The following UIMC1 variants were observed in gnomAD, a reference collection of about 807,000 sequenced individuals.
The protein encoded by UIMC1 is BRCA1-A complex subunit RAP80.
In UIMC1, 42 loss-of-function variants were observed where a neutral mutation model predicts 84.9. The observed-to-expected ratio is 0.49, with a 90% CI of 0.39 to 0.64. The LOEUF is 0.64. UIMC1 is among the 30% of genes least tolerant of loss of function. The pLI is 0.00. For synonymous variants in UIMC1, 281 were observed against 293.0 expected (o/e 0.96, Z 0.42); for missense variants, 825 against 847.6 (o/e 0.97, Z 0.33).
intron 1 of UIMC1, among the ~76,000 whole-genome samples, chr5:176,993,501 T>C (rs1581682497): frequency 6.6e-6 from 1 of 152,198 alleles, no homozygotes; most frequent in East Asian, 1.9e-4. Context: ...AAATATTTTC[T>C]TACCTTTTAA....
At chr5:176,952,434 AG>A (rs1050155109) in intron 8 of UIMC1, among the ~76,000 whole-genome samples, 1 of 152,190 alleles carries the variant, frequency 6.6e-6, no homozygotes, top group Non-Finnish European at 1.5e-5. Flanking sequence ...AGTCTAGTTC[AG>A]GGGCCAGAAA....
Position 176,968,786 on chromosome 5 carries a change from T to C in UIMC1, c.969A>G (p.Pro323=). ...QLLNKKGFGE[P]VLPRPPSLIQ... ...TCAGAGAAGGAGGTCTAGGTAACAC[T>C]GGTTCCCCAAAACCTTTTTTATTAA... is the stretch of plus-strand genomic sequence containing the variant. The change falls in exon 6 of 15, where the codon CCA becomes CCG. Residue 323 remains proline (P), a synonymous_variant. Transcript: ENST00000511320. The C allele has an allele frequency of 6.2e-7, 1 of 1,614,206 alleles. No individual in the cohort carries two copies. The highest frequency in any genetic ancestry group is 1.1e-5 in the South Asian group (1 of 91,088).
chr5:176,940,241 T>A (rs1764249817), intron 10 of UIMC1, among the ~76,000 whole-genome samples: 2 of 152,164 alleles, frequency 1.3e-5, no homozygotes, highest in African/African-American at 2.4e-5. Flanking sequence ...ACAGCAATTA[T>A]CTTGTAATTA....
At chr5:177,016,095 T>C (rs1775663867) in intron 1 of UIMC1, among the ~76,000 whole-genome samples, 1 of 151,314 alleles carries the variant, frequency 6.6e-6, no homozygotes, top group African/African-American at 2.4e-5. Flanking sequence ...CAGGACGCGG[T>C]GGCTCATGCC....
At chr5:176,906,209 T>C in intron 13 of UIMC1, 162 bp from the exon 14 acceptor site, 1 of 616,424 alleles carries the variant, frequency 1.6e-6, no homozygotes, top group Non-Finnish European at 2.8e-6. Context: ...TGAGCATTAG[T>C]GTCCAACAGA....
intron 3 of UIMC1, among the ~76,000 whole-genome samples, chr5:176,973,009 A>G (rs1769502625): frequency 1.3e-5 from 2 of 149,656 alleles, no homozygotes; most frequent in African/African-American, 4.9e-5. Context: ...TCTGCCTCCC[A>G]GGTTCAAGCG....
chr5:177,002,617 C>T (rs920508618), intron 1 of UIMC1, among the ~76,000 whole-genome samples: 23 of 152,026 alleles, frequency 1.5e-4, no homozygotes, highest in Non-Finnish European at 5.9e-5. Context: ...CTGGCTAACA[C>T]GGTGAAACCC....
intron 1 of UIMC1, chr5:177,001,624 A>T (rs1193856812): frequency 6.6e-6 from 1 of 152,134 alleles, no homozygotes; most frequent in Non-Finnish European, 1.5e-5. Context: ...GCCCCAGAAC[A>T]GTTTAAACAA....
At chr5:176,971,311 C>T (rs904482597) in intron 3 of UIMC1, among the ~76,000 whole-genome samples, 1 of 152,222 alleles carries the variant, frequency 6.6e-6, no homozygotes, top group African/African-American at 2.4e-5. Context: ...TAGAAAAGAA[C>T]ATCCCTAGTG....
At chr5:176,915,199 T>C (rs1394342242) in intron 10 of UIMC1, among the ~76,000 whole-genome samples, 1 of 151,724 alleles carries the variant, frequency 6.6e-6, no homozygotes, top group Non-Finnish European at 1.5e-5. Context: ...TTCTACACCA[T>C]GCAACTTTCT....
upstream of UIMC1, among the ~76,000 whole-genome samples, chr5:177,011,687 A>G (rs145063509): frequency 3.9e-5 from 6 of 152,338 alleles, no homozygotes; most frequent in East Asian, 7.7e-4. Context: ...ATATGACATC[A>G]AAAGCACAGG....
chr5:176,969,254 G>C lies in UIMC1; in HGVS notation c.501C>G (p.Gly167=). The C allele has an allele frequency of 1.2e-6, 2 of 1,614,092 alleles. No individual in the cohort carries two copies. The highest frequency in any genetic ancestry group is 1.3e-5 in the African/African-American group (1 of 75,012). The change falls in exon 6 of 15, where the codon GGC becomes GGG. Residue 167 remains glycine (G), a synonymous_variant. Coordinates refer to ENST00000511320, the MANE Select transcript of UIMC1 (RefSeq NM_001199298.2). ...CCTCGTTTCCCTGACTGATATGTGA[G>C]CCTTTAAACAGTGATGGAGGTACCA... ...WQLVPPSLFK[G]SHISQGNEAE...
At chr5:176,925,044 A>G (rs1034212564) in intron 10 of UIMC1, among the ~76,000 whole-genome samples, 3 of 152,004 alleles carry the variant, frequency 2.0e-5, no homozygotes, top group East Asian at 3.8e-4. Context: ...AAAAAAAAAA[A>G]AAAGAAAGCA....
chr5:176,919,269 A>T, intron 10 of UIMC1: 1 of 264,338 alleles, frequency 3.8e-6, no homozygotes, highest in Non-Finnish European at 7.6e-6. Flanking sequence ...ACAGAAAGAG[A>T]GTTCTTTATA....
intron 10 of UIMC1, among the ~76,000 whole-genome samples, chr5:176,912,339 A>G (rs1240060633): frequency 1.3e-5 from 2 of 152,218 alleles, no homozygotes; most frequent in Non-Finnish European, 2.9e-5. Flanking sequence ...TTTATCTACA[A>G]TAACAGGTAT....
At chr5:176,986,359 C>CAA (rs71583560) in intron 1 of UIMC1, among the ~76,000 whole-genome samples, 389 of 28,012 alleles carry the variant, frequency 0.014, 69 homozygotes, top group African/African-American at 0.036. Flanking sequence ...GACTTCATCT[C>CAA]AAAAAAAAAA....
chr5:176,991,740 G>A (rs1351921545), intron 1 of UIMC1, among the ~76,000 whole-genome samples: 1 of 151,646 alleles, frequency 6.6e-6, no homozygotes, highest in Non-Finnish European at 1.5e-5. Context: ...AAACCATCCT[G>A]GCTAACACGG....
upstream of UIMC1, among the ~76,000 whole-genome samples, chr5:177,006,928 T>C (rs1479336408): frequency 6.6e-6 from 1 of 151,986 alleles, no homozygotes; most frequent in Non-Finnish European, 1.5e-5. Context: ...AAGCAAGGAG[T>C]AACAACAGAC....
At chr5:176,946,880 CA>C (rs767400953) in intron 9 of UIMC1, among the ~76,000 whole-genome samples, 11 of 152,228 alleles carry the variant, frequency 7.2e-5, no homozygotes, top group Admixed American at 1.3e-4. Flanking sequence ...AGAAGGATGG[CA>C]GGGGGGTAAA....
Sources: gnomAD v4.1 joint callset for allele counts (sites outside exome capture counted in the v4.1 genomes callset) on GRCh38, gnomAD v4.1.1 for gene constraint, MANE v1.5 for transcripts, NCBI Gene and HGNC (gene_info 2026-07-23, HGNC 2026-07-21) for gene names.